The following MTBP variants were observed in gnomAD, a reference collection of about 807,000 sequenced individuals.
MTBP encodes the protein MDM2 binding protein.
MTBP carries 101 observed loss-of-function variants against 117.0 expected under a neutral mutation model. The ratio of observed to expected loss-of-function variants is 0.86; its 90% confidence interval spans 0.73 to 1.02. MTBP has a LOEUF of 1.02. Ranked by LOEUF, MTBP falls within the 50% of genes least tolerant of loss-of-function variation. The pLI, the probability that MTBP is intolerant of heterozygous loss-of-function variation, is 0.00. For missense variants in MTBP, 970 were observed against 1,030.9 expected, an observed-to-expected ratio of 0.94 and a Z score of 0.81; for synonymous variants, 350 against 351.5, an observed-to-expected ratio of 1.00 and a Z score of 0.05.
chr8:120,463,206 C>G (rs1266821467), intron 9 of MTBP, among the ~76,000 whole-genome samples: 2 of 151,970 alleles, frequency 1.3e-5, no homozygotes, highest in African/African-American at 4.8e-5. Flanking sequence ...CATGAAGAAA[C>G]CTAAGAATCA....
chr8:120,474,015 T>C (rs1256373838), intron 11 of MTBP: 1 of 152,104 alleles, frequency 6.6e-6, no homozygotes, highest in Non-Finnish European at 1.5e-5. Context: ...TTGGAACTTC[T>C]GATTTTAAGG....
intron 11 of MTBP, among the ~76,000 whole-genome samples, chr8:120,480,901 TA>T (rs1050215553): frequency 6.6e-6 from 1 of 152,090 alleles, no homozygotes; most frequent in African/African-American, 2.4e-5. Context: ...TAAGAACATT[TA>T]AAAACAATCT....
At chr8:120,515,066 A>C (rs1198277339) in intron 17 of MTBP, among the ~76,000 whole-genome samples, 2 of 152,028 alleles carry the variant, frequency 1.3e-5, no homozygotes, top group Admixed American at 6.6e-5. Context: ...TGGGAGTTGA[A>C]CTAAATCTTT....
At chr8:120,499,400 T>C (rs1307684277) in intron 14 of MTBP, among the ~76,000 whole-genome samples, 2 of 152,182 alleles carry the variant, frequency 1.3e-5, no homozygotes, top group Non-Finnish European at 2.9e-5. Context: ...AATTTTTTTT[T>C]CAAATTATTG....
intron 17 of MTBP, among the ~76,000 whole-genome samples, chr8:120,514,612 G>A (rs765424205): frequency 6.6e-6 from 1 of 151,986 alleles, no homozygotes; most frequent in Admixed American, 6.6e-5. Flanking sequence ...TACCAAAATG[G>A]TTAAAGTCAG....
intron 2 of MTBP, 63 bp from the exon 3 acceptor site, chr8:120,450,940 A>T: frequency 8.8e-7 from 1 of 1,133,048 alleles, no homozygotes; most frequent in Non-Finnish European, 1.3e-6. Flanking sequence ...TACGGTATAT[A>T]TGCTGTGTCA....
chr8:120,470,787 G>A, intron 10 of MTBP, 33 bp from the exon 11 acceptor site: 1 of 1,424,086 alleles, frequency 7.0e-7, no homozygotes, highest in Non-Finnish European at 9.9e-7. Context: ...ATCTCAATGT[G>A]CAATCAATAA....
chr8:120,473,553 C>CAACA (rs1285945015), intron 11 of MTBP: 1 of 152,012 alleles, frequency 6.6e-6, no homozygotes, highest in Admixed American at 6.6e-5. Context: ...TCTGTTTGGC[C>CAACA]AACACTGTGA....
At chr8:120,458,464 T>C (rs1193636841) in intron 7 of MTBP, among the ~76,000 whole-genome samples, 1 of 152,168 alleles carries the variant, frequency 6.6e-6, no homozygotes, top group Non-Finnish European at 1.5e-5. Flanking sequence ...TCCTTACTAT[T>C]ACTACTTCTG....
intron 17 of MTBP, among the ~76,000 whole-genome samples, chr8:120,512,869 T>C (rs1249188599): frequency 6.6e-6 from 1 of 152,078 alleles, no homozygotes; most frequent in Non-Finnish European, 1.5e-5. Context: ...ACATAGATTA[T>C]GGTGTAGAAA....
At position 120,455,584 on chromosome 8, in the gene MTBP, G is replaced by A; in HGVS notation, c.629+5G>A. 1.2e-6 allele frequency: 2 copies of A among 1,605,694 alleles called. No individual in the cohort carries two copies. The highest frequency in any genetic ancestry group is 1.7e-6 in the Non-Finnish European group (2 of 1,177,614). The stretch of plus-strand genomic sequence containing the variant: ...AGCAGGAAATCATTGTGAAATGTAA[G>A]CTTCTTTGTTCATATTTGATTATTG... On this transcript the variant is annotated splice_donor_5th_base_variant and intron_variant, in intron 6 of 21. Coordinates refer to ENST00000305949, the MANE Select transcript of MTBP (RefSeq NM_022045.5).
rs149387379 is a variant in MTBP, at chr8:120,508,792, A to T, written c.1884-1142A>T. On this transcript the variant is annotated intron_variant, in intron 16 of 21. Coordinates refer to ENST00000305949, the MANE Select transcript of MTBP (RefSeq NM_022045.5). ...TTTACCTAGTAACTATTTAAAGACC[A>T]CTGTTGCATAATTTCCCCATTTCCT... Among the ~76,000 whole-genome samples the T allele has an allele frequency of 9.8e-3, 1,489 of 152,252 alleles. 24 individuals are homozygous for T. Among genetic ancestry groups the T allele is most frequent in the African/African-American group, 0.034 (1,420 of 41,548 alleles).
At chr8:120,453,635 C>A (rs1813406873) in intron 4 of MTBP, among the ~76,000 whole-genome samples, 1 of 150,772 alleles carries the variant, frequency 6.6e-6, no homozygotes, top group South Asian at 2.1e-4. Flanking sequence ...TCCATACATA[C>A]TAATTATGTA....
intron 17 of MTBP, among the ~76,000 whole-genome samples, chr8:120,511,137 T>C (rs1814799197): frequency 6.6e-6 from 1 of 152,206 alleles, no homozygotes; most frequent in African/African-American, 2.4e-5. Flanking sequence ...TTTTTAGTTC[T>C]GCTATTTGAC....
At chr8:120,486,359 A>G (rs1412646297) in intron 11 of MTBP, among the ~76,000 whole-genome samples, 1 of 152,112 alleles carries the variant, frequency 6.6e-6, no homozygotes, top group Non-Finnish European at 1.5e-5. Context: ...AAAATCTCTG[A>G]GCCACTACTT....
At chr8:120,497,263 C>A in intron 13 of MTBP, 130 bp from the exon 14 acceptor site, 1 of 788,510 alleles carries the variant, frequency 1.3e-6, no homozygotes, top group Non-Finnish European at 2.0e-6. Flanking sequence ...GGCCTACAAT[C>A]CTGAAAACAG....
intron 18 of MTBP, among the ~76,000 whole-genome samples, chr8:120,517,516 T>A (rs1378776355): frequency 6.6e-6 from 1 of 151,988 alleles, no homozygotes; most frequent in Non-Finnish European, 1.5e-5. Context: ...TCTGAAGAAC[T>A]AAGGAACAAC....
At chr8:120,460,413 A>G (rs1185557999) in intron 8 of MTBP, among the ~76,000 whole-genome samples, 1 of 152,162 alleles carries the variant, frequency 6.6e-6, no homozygotes, top group Non-Finnish European at 1.5e-5. Flanking sequence ...GATTATAGAT[A>G]TATATACACT....
At chr8:120,476,827 C>A (rs1248547676) in intron 11 of MTBP, among the ~76,000 whole-genome samples, 2 of 152,086 alleles carry the variant, frequency 1.3e-5, no homozygotes, top group African/African-American at 4.8e-5. Flanking sequence ...GCCTTACTGC[C>A]CAAAGTAATT....
Sources: allele counts gnomAD v4.1 joint callset (sites outside exome capture counted in the v4.1 genomes callset), GRCh38; gene constraint gnomAD v4.1.1; transcripts MANE v1.5; gene names NCBI Gene and HGNC (gene_info 2026-07-23, HGNC 2026-07-21).